Variants in METTL21C observed in about 807,000 individuals in gnomAD.
METTL21C encodes protein-lysine methyltransferase METTL21C.
Under a neutral mutation model 25.9 loss-of-function variants are expected in METTL21C, and 21 were observed. The observed-to-expected ratio is 0.81, with a 90% CI of 0.58 to 1.17. The LOEUF is 1.17. METTL21C is among the 50% of genes most tolerant of loss of function. The probability of loss-of-function intolerance (pLI) is 0.00; values close to 1 mark genes in which losing one functional copy is unlikely to be tolerated. For synonymous variants in METTL21C, 125 were observed against 124.7 expected, an observed-to-expected ratio of 1.00 and a Z score of -0.01; for missense variants, 312 against 315.1, an observed-to-expected ratio of 0.99 and a Z score of 0.07.
intron 1 of METTL21C, 22 bp from the exon 2 acceptor site, chr13:102,690,986 T>C: frequency 6.2e-7 from 1 of 1,612,500 alleles, no homozygotes; most frequent in Non-Finnish European, 8.5e-7. Flanking sequence ...AAAAATAAAA[T>C]GGAGTTCATG....
chr13:102,692,386 A>G (rs1256209744), intron 1 of METTL21C, among the ~76,000 whole-genome samples: 1 of 152,198 alleles, frequency 6.6e-6, no homozygotes, highest in Non-Finnish European at 1.5e-5. Context: ...TAACAGCTCC[A>G]CAGTAAGTAG....
chr13:102,700,019 TGCAGAGAAAGGAA>T (rs1431301156), upstream of METTL21C, among the ~76,000 whole-genome samples: 13 of 152,210 alleles, frequency 8.5e-5, no homozygotes, highest in African/African-American at 3.1e-4. Context: ...AATCTCCACC[TGCAGAGAAAGGAA>T]TTTTGTAAAC....
chr13:102,699,828 C>G (rs1283959534), upstream of METTL21C, among the ~76,000 whole-genome samples: 1 of 152,186 alleles, frequency 6.6e-6, no homozygotes, highest in African/African-American at 2.4e-5. Flanking sequence ...CCTGCACTGG[C>G]CAGACTTCTG....
chr13:102,695,875 C>T (rs1202152562), upstream of METTL21C, among the ~76,000 whole-genome samples: 1 of 152,158 alleles, frequency 6.6e-6, no homozygotes, highest in Non-Finnish European at 1.5e-5. Context: ...CAGTACAATT[C>T]TACAAAAACC....
intron 3 of METTL21C, 23 bp from the exon 4 acceptor site, chr13:102,686,448 A>C (rs776490202): frequency 3.8e-6 from 6 of 1,589,616 alleles, no homozygotes; most frequent in Non-Finnish European, 4.3e-6. Flanking sequence ...GAAAACAATG[A>C]CCTGGAAACA....
intron 2 of METTL21C, among the ~76,000 whole-genome samples, chr13:102,688,703 G>C (rs1004419752): frequency 6.6e-5 from 10 of 152,214 alleles, no homozygotes; most frequent in African/African-American, 2.4e-4. Context: ...GTCAGGAAAA[G>C]AGTGTCACCT....
chr13:102,693,576 T>C (rs191758136), intron 1 of METTL21C, among the ~76,000 whole-genome samples: 1 of 152,314 alleles, frequency 6.6e-6, no homozygotes, highest in East Asian at 1.9e-4. Flanking sequence ...GTAAATAAAC[T>C]GACAAATATT....
At chr13:102,699,588 C>T (rs1886000456), upstream of METTL21C, among the ~76,000 whole-genome samples, 1 of 152,184 alleles carries the variant, frequency 6.6e-6, no homozygotes, top group East Asian at 1.9e-4. Context: ...TGGGAATTCC[C>T]TCCCAGAGAA....
upstream of METTL21C, among the ~76,000 whole-genome samples, chr13:102,695,913 AAT>A (rs2138892779): frequency 6.6e-6 from 1 of 152,350 alleles, no homozygotes; most frequent in African/African-American, 2.4e-5. Flanking sequence ...AATGTACGTG[AAT>A]ATATGTGTGT....
the METTL21C span, among the ~76,000 whole-genome samples, chr13:102,703,393 TC>T: frequency 6.6e-6 from 1 of 152,248 alleles, no homozygotes; most frequent in Non-Finnish European, 1.5e-5. Context: ...TCATTGGTGT[TC>T]TTTTTCTCTC....
In METTL21C at chr13:102,694,900, T is replaced by TCACACA. The variant is rs55715774; in HGVS notation, c.-408_-403dup. ...CTCTCTCTCTCTCTCTCTCTCTCTC[T>TCACACA]CACACACACACACACACACACACAC... is the stretch of plus-strand genomic sequence containing the variant. On this transcript the variant is annotated 5_prime_UTR_variant, in exon 1 of 4. The change abolishes the stop of an existing upstream ORF in the 5' untranslated region. Transcript: ENST00000267273. Among the ~76,000 whole-genome samples, 85 of 135,568 alleles carry TCACACA rather than the reference T, an allele frequency of 6.3e-4. No individual in the cohort carries two copies. Among genetic ancestry groups the TCACACA allele is most frequent in the East Asian group, 3.1e-3 (14 of 4,564 alleles). 88.9% of individuals were successfully genotyped at this position (135,568 alleles called of 152,430 possible). A position where few individuals can be genotyped will look rare whatever the true frequency, so the allele number is the denominator to read the frequency against.
upstream of METTL21C, among the ~76,000 whole-genome samples, chr13:102,696,416 A>T (rs1434446254): frequency 1.3e-5 from 2 of 152,170 alleles, no homozygotes; most frequent in Admixed American, 1.3e-4. Flanking sequence ...CCTAATGTAG[A>T]TGATGGGTTG....
intron 3 of METTL21C, 70 bp downstream of exon 3, chr13:102,686,870 A>G: frequency 7.9e-7 from 1 of 1,263,336 alleles, no homozygotes; most frequent in Non-Finnish European, 1.2e-6. Context: ...ACAGCCTGTC[A>G]TAGAGTAAGC....
upstream of METTL21C, among the ~76,000 whole-genome samples, chr13:102,695,369 A>C (rs1053097154): frequency 3.3e-5 from 5 of 152,206 alleles, no homozygotes; most frequent in Admixed American, 3.3e-4. Context: ...TGATTTATTT[A>C]ACTGAAATAA....
chr13:102,702,644 A>G, the METTL21C span, among the ~76,000 whole-genome samples: 4 of 151,962 alleles, frequency 2.6e-5, no homozygotes, highest in East Asian at 7.7e-4. Flanking sequence ...CTGGAGTGCA[A>G]TGGCGCAATC....
At chr13:102,702,950 A>G in the METTL21C span, among the ~76,000 whole-genome samples, 1 of 152,238 alleles carries the variant, frequency 6.6e-6, no homozygotes, top group East Asian at 1.9e-4. Flanking sequence ...TTTTTAAAAT[A>G]TGCCATTTGC....
intron 2 of METTL21C, among the ~76,000 whole-genome samples, chr13:102,688,937 A>G (rs1289911389): frequency 6.6e-6 from 1 of 152,190 alleles, no homozygotes; most frequent in Non-Finnish European, 1.5e-5. Flanking sequence ...CTGAAGTCGC[A>G]CAGGAAAAGG....
At chr13:102,691,351 T>G (rs945001759) in intron 1 of METTL21C, among the ~76,000 whole-genome samples, 15 of 151,356 alleles carry the variant, frequency 9.9e-5, no homozygotes, top group Admixed American at 2.6e-4. Context: ...AACCTGCCTT[T>G]TTTTTTTTTT....
At chr13:102,691,899 C>A (rs1885840396) in intron 1 of METTL21C, among the ~76,000 whole-genome samples, 1 of 152,172 alleles carries the variant, frequency 6.6e-6, no homozygotes, top group Admixed American at 6.5e-5. Flanking sequence ...CCTGATCGGG[C>A]TGACATCAAG....
Sources: allele counts gnomAD v4.1 joint callset (sites outside exome capture counted in the v4.1 genomes callset), GRCh38; gene constraint gnomAD v4.1.1; transcripts MANE v1.5; gene names NCBI Gene and HGNC (gene_info 2026-07-23, HGNC 2026-07-21).